Variants in CPVL observed in about 807,000 individuals in gnomAD.
CPVL encodes the protein carboxypeptidase vitellogenic like.
CPVL carries 51 observed loss-of-function variants against 63.7 expected under a neutral mutation model. That is an observed-to-expected ratio of 0.80 (90% CI 0.64 to 1.01). CPVL has a LOEUF of 1.01. Among genes scored for constraint, CPVL ranks in the 50% least tolerant of loss-of-function variants. CPVL has a pLI of 0.00. For synonymous variants in CPVL, 195 were observed against 206.0 expected, an observed-to-expected ratio of 0.95 and a Z score of 0.46; for missense variants, 530 against 573.1, an observed-to-expected ratio of 0.92 and a Z score of 0.77.
chr7:29,174,648 G>A (rs1797039770), intron 5 of CPVL, among the ~76,000 whole-genome samples: 1 of 152,156 alleles, frequency 6.6e-6, no homozygotes, highest in South Asian at 2.1e-4. Flanking sequence ...ATCACCTGAG[G>A]TCAGGAGTTC....
In CPVL at chr7:29,183,180, G is replaced by T. The variant is rs554482750; in HGVS notation, c.-134+1241C>A. On this transcript the variant is annotated intron_variant, in intron 4 of 16. Transcript: ENST00000409850. ...GCTCATTGTAACCTCCGCCTCCCAGGTTCAAGCGATTCTCCTGCCTCAGCC... is the reference window on the plus strand; with the variant it reads ...GCTCATTGTAACCTCCGCCTCCCAGTTTCAAGCGATTCTCCTGCCTCAGCC... Among the ~76,000 whole-genome samples the T allele has an allele frequency of 2.8e-4, 43 of 151,618 alleles. 1 individual carries two copies. The highest frequency in any genetic ancestry group is 3.4e-3 in the Middle Eastern group (1 of 294).
chr7:29,158,713 A>T (rs1794766971), intron 5 of CPVL, among the ~76,000 whole-genome samples: 1 of 152,226 alleles, frequency 6.6e-6, no homozygotes, highest in Non-Finnish European at 1.5e-5. Context: ...TTAATATAAA[A>T]GTGTTCCTGG....
At chr7:29,000,443 A>G (rs144449631) in intron 12 of CPVL, among the ~76,000 whole-genome samples, 23 of 148,698 alleles carry the variant, frequency 1.5e-4, no homozygotes, top group South Asian at 6.2e-4. Flanking sequence ...TGCAGGAGGC[A>G]TGGAAATGCA....
Position 29,060,971 on chromosome 7 carries a change from C to T in CPVL, c.1137+3090G>A, listed in dbSNP as rs188606428. Among the ~76,000 whole-genome samples, 590 of 152,274 alleles carry T rather than the reference C, an allele frequency of 3.9e-3. 2 individuals are homozygous for T. Among genetic ancestry groups the T allele is most frequent in the Admixed American group, 5.2e-3 (80 of 15,292 alleles). ...AGCCAAAGATAATCACTATCCCAAGCGCTTTGCCAGCTGCGTGAGTGAACA... is the reference window on the plus strand; with the variant it reads ...AGCCAAAGATAATCACTATCCCAAGTGCTTTGCCAGCTGCGTGAGTGAACA... On this transcript the variant is annotated intron_variant, in intron 11 of 12. Transcript: ENST00000265394.
intron 3 of CPVL, among the ~76,000 whole-genome samples, chr7:29,096,609 G>A (rs1017781009): frequency 6.6e-6 from 1 of 152,142 alleles, no homozygotes; most frequent in African/African-American, 2.4e-5. Context: ...TCCCAACAGA[G>A]GCACAACAAA....
At chr7:29,125,839 G>A (rs1336495731) in intron 1 of CPVL, among the ~76,000 whole-genome samples, 6 of 152,252 alleles carry the variant, frequency 3.9e-5, no homozygotes, top group South Asian at 2.1e-4. Flanking sequence ...AAAAAGAAAC[G>A]TTGATAAGTA....
At chr7:29,046,555 ACGTGCG>A (rs1789632274) in intron 11 of CPVL, among the ~76,000 whole-genome samples, 1 of 110,124 alleles carries the variant, frequency 9.1e-6, no homozygotes, top group Admixed American at 9.4e-5. Context: ...ACACACATGC[ACGTGCG>A]CGCGTGCACA....
chr7:29,150,136 A>G (rs1344145102), upstream of CPVL, among the ~76,000 whole-genome samples: 2 of 152,178 alleles, frequency 1.3e-5, no homozygotes, highest in South Asian at 2.1e-4. Context: ...CTGCACCTGC[A>G]TATTCTAGTG....
chr7:29,103,221 A>G (rs1313552491), intron 3 of CPVL, among the ~76,000 whole-genome samples: 2 of 126,590 alleles, frequency 1.6e-5, no homozygotes, highest in African/African-American at 5.6e-5. Context: ...CAATTTCAGT[A>G]CTTTTAAGAA....
intron 7 of CPVL, among the ~76,000 whole-genome samples, chr7:29,086,028 T>C (rs1785165137): frequency 6.6e-6 from 1 of 152,116 alleles, no homozygotes; most frequent in Non-Finnish European, 1.5e-5. Flanking sequence ...GCATGGTGGC[T>C]CATGCCTGTA....
chr7:29,096,674 T>C (rs1786432333), intron 3 of CPVL, among the ~76,000 whole-genome samples: 1 of 152,172 alleles, frequency 6.6e-6, no homozygotes, highest in African/African-American at 2.4e-5. Flanking sequence ...AACGCCTTTC[T>C]GATTTTACTC....
chr7:29,147,033 C>G, upstream of CPVL: 2 of 1,539,838 alleles, frequency 1.3e-6, no homozygotes, highest in Non-Finnish European at 1.8e-6. Flanking sequence ...TCAGAGCCAC[C>G]TGATGTGTTC....
chr7:29,144,583 A>C (rs1792247912), intron 1 of CPVL, among the ~76,000 whole-genome samples: 1 of 152,020 alleles, frequency 6.6e-6, no homozygotes, highest in Non-Finnish European at 1.5e-5. Flanking sequence ...GGTCATTACT[A>C]TTTACCTTGA....
At chr7:29,144,799 G>C (rs1417825179) in intron 1 of CPVL, among the ~76,000 whole-genome samples, 1 of 151,884 alleles carries the variant, frequency 6.6e-6, no homozygotes, top group East Asian at 1.9e-4. Context: ...ATTTTTTGTG[G>C]GGAGTGAACT....
intron 2 of CPVL, among the ~76,000 whole-genome samples, chr7:29,116,978 G>C (rs1442910357): frequency 6.6e-6 from 1 of 152,168 alleles, no homozygotes; most frequent in Non-Finnish European, 1.5e-5. Context: ...ATTTAGGGGA[G>C]TGAGCTGACC....
At chr7:29,100,291 C>G (rs1187694097) in intron 3 of CPVL, among the ~76,000 whole-genome samples, 1 of 152,178 alleles carries the variant, frequency 6.6e-6, no homozygotes, top group Non-Finnish European at 1.5e-5. Context: ...TTTTGGAGAG[C>G]TTTTCTCTTT....
intron 5 of CPVL, among the ~76,000 whole-genome samples, chr7:29,177,914 G>A (rs1321778052): frequency 6.6e-6 from 1 of 151,966 alleles, no homozygotes; most frequent in African/African-American, 2.4e-5. Context: ...TCACATGTCC[G>A]AAACACAACC....
intron 11 of CPVL, among the ~76,000 whole-genome samples, chr7:29,036,677 TA>T (rs1231465588): frequency 6.6e-6 from 1 of 152,218 alleles, no homozygotes; most frequent in Non-Finnish European, 1.5e-5. Context: ...AAGGAACTTC[TA>T]ATTCTGAAGC....
intron 2 of CPVL, 104 bp downstream of exon 2, chr7:29,120,789 C>T: frequency 8.5e-7 from 1 of 1,181,126 alleles, no homozygotes; most frequent in Non-Finnish European, 1.2e-6. Context: ...CCACTGACCT[C>T]CAGCCTAGTG....
Sources: gnomAD v4.1 joint callset for allele counts (sites outside exome capture counted in the v4.1 genomes callset) on GRCh38, gnomAD v4.1.1 for gene constraint, MANE v1.5 for transcripts, NCBI Gene and HGNC (gene_info 2026-07-23, HGNC 2026-07-21) for gene names.